The following SH3RF2 variants were observed in gnomAD, a reference collection of about 807,000 sequenced individuals.
SH3RF2 encodes the protein E3 ubiquitin-protein ligase SH3RF2.
SH3RF2 carries 43 observed loss-of-function variants against 59.0 expected under a neutral mutation model. That is an observed-to-expected ratio of 0.73 (90% CI 0.57 to 0.94). The LOEUF (loss-of-function observed/expected upper bound fraction) is 0.94, where lower values mean the gene tolerates loss of function less well. SH3RF2 is among the 40% of genes least tolerant of loss of function. SH3RF2 has a pLI of 0.00. For synonymous variants in SH3RF2, 391 were observed against 391.5 expected (o/e 1.00, Z 0.01); for missense variants, 930 against 940.1 (o/e 0.99, Z 0.14).
intron 2 of SH3RF2, among the ~76,000 whole-genome samples, chr5:145,985,870 G>A (rs970945609): frequency 4.6e-5 from 7 of 152,114 alleles, no homozygotes. Flanking sequence ...TGGGCATGGT[G>A]GAGTGTGCCT....
intron 2 of SH3RF2, among the ~76,000 whole-genome samples, chr5:145,938,832 G>C (rs1026047306): frequency 1.3e-5 from 2 of 152,212 alleles, no homozygotes; most frequent in Non-Finnish European, 2.9e-5. Context: ...TACTTGACGC[G>C]GGAGATAGTG....
intron 2 of SH3RF2, among the ~76,000 whole-genome samples, chr5:145,955,126 A>G (rs1198104261): frequency 6.6e-6 from 1 of 152,176 alleles, no homozygotes; most frequent in Non-Finnish European, 1.5e-5. Context: ...TACAAACTAT[A>G]TCAGTAACGA....
chr5:146,034,490 A>AGGAG (rs1761857864), intron 5 of SH3RF2, among the ~76,000 whole-genome samples: 1 of 152,240 alleles, frequency 6.6e-6, no homozygotes, highest in Non-Finnish European at 1.5e-5. Context: ...GCCATCCAGA[A>AGGAG]GGAGCTTTAA....
At chr5:145,992,927 T>A (rs1760009178) in intron 2 of SH3RF2, among the ~76,000 whole-genome samples, 1 of 152,118 alleles carries the variant, frequency 6.6e-6, no homozygotes. Flanking sequence ...ATTTCAGCAT[T>A]AACTCAAAAG....
chr5:145,998,282 A>T (rs1337647038), intron 2 of SH3RF2, among the ~76,000 whole-genome samples: 3 of 22,730 alleles, frequency 1.3e-4, no homozygotes, highest in Admixed American at 4.9e-4. Flanking sequence ...GCCCATAGTT[A>T]AAAAAAAAAA....
chr5:146,042,585 C>T lies in SH3RF2; in HGVS notation c.1060-5187C>T, dbSNP rs11954427. The stretch of plus-strand genomic sequence containing the variant: ...GCCTGAGTCCTAAGTTAGACCTCCT[C>T]TCTGGACTCCTAAGAGGTAGCTGCA... On this transcript the variant is annotated intron_variant, in intron 5 of 9. Transcript: ENST00000359120. 7.4e-3 allele frequency among the ~76,000 whole-genome samples: 1,131 copies of T among 152,312 alleles called. 17 individuals are homozygous for T. The highest frequency in any genetic ancestry group is 0.026 in the African/African-American group (1,079 of 41,558).
chr5:146,018,460 G>A (rs992038125), intron 5 of SH3RF2, among the ~76,000 whole-genome samples: 2 of 151,576 alleles, frequency 1.3e-5, no homozygotes, highest in Non-Finnish European at 1.5e-5. Flanking sequence ...GTATTCCATG[G>A]TATATATATG....
At chr5:146,013,028 A>G (rs575679129) in intron 4 of SH3RF2, among the ~76,000 whole-genome samples, 2 of 152,324 alleles carry the variant, frequency 1.3e-5, no homozygotes, top group South Asian at 2.1e-4. Context: ...GAGATATAGA[A>G]CAAGGAAGAA....
intron 9 of SH3RF2, among the ~76,000 whole-genome samples, chr5:146,062,195 A>G (rs922136926): frequency 6.6e-6 from 1 of 152,074 alleles, no homozygotes; most frequent in Non-Finnish European, 1.5e-5. Context: ...GTGGTTCTCA[A>G]TTTAAAGCTT....
At chr5:145,978,113 T>G (rs1028692192) in intron 2 of SH3RF2, among the ~76,000 whole-genome samples, 1 of 152,230 alleles carries the variant, frequency 6.6e-6, no homozygotes, top group African/African-American at 2.4e-5. Flanking sequence ...TTTGTAAGAT[T>G]TGGTTCCTAC....
intron 5 of SH3RF2, among the ~76,000 whole-genome samples, chr5:146,041,712 C>T (rs1762132553): frequency 6.6e-6 from 1 of 152,120 alleles, no homozygotes; most frequent in African/African-American, 2.4e-5. Flanking sequence ...GACGTATCAC[C>T]TGGGCCCAGG....
chr5:146,031,786 C>G (rs1048142255), intron 5 of SH3RF2, among the ~76,000 whole-genome samples: 2 of 152,194 alleles, frequency 1.3e-5, no homozygotes, highest in African/African-American at 4.8e-5. Flanking sequence ...ACAAAATCAA[C>G]TGCACCCCTA....
In SH3RF2 at chr5:146,062,692, C is replaced by A; in HGVS notation, c.2181C>A (p.Pro727=). The change falls in exon 10 of 10, where the codon CCC becomes CCA. Residue 727 remains proline (P), a synonymous_variant. Transcript: ENST00000359120. ...STASGTQTVF[P]SK ...CCTCAGGCACGCAGACCGTGTTTCC[C>A]AGCAAATGAACCTACGGGTGGCTTT... The A allele has an allele frequency of 6.2e-7, 1 of 1,612,736 alleles. No individual in the cohort carries two copies. The highest frequency in any genetic ancestry group is 1.7e-5 in the Admixed American group (1 of 59,996).
exon 10 of SH3RF2, chr5:146,081,504 T>C (rs1421834014): frequency 6.6e-6 from 1 of 152,190 alleles, no homozygotes; most frequent in African/African-American, 2.4e-5. Flanking sequence ...AAATTTGCTC[T>C]TTACCGCGAG....
intron 4 of SH3RF2, among the ~76,000 whole-genome samples, chr5:146,011,311 C>T (rs899143809): frequency 1.4e-4 from 21 of 152,062 alleles, no homozygotes; most frequent in African/African-American, 3.4e-4. Flanking sequence ...AGTCAGGTAG[C>T]GTGATGCCTC....
intron 4 of SH3RF2, among the ~76,000 whole-genome samples, chr5:146,012,585 G>C (rs951191313): frequency 6.6e-6 from 1 of 152,168 alleles, no homozygotes; most frequent in Non-Finnish European, 1.5e-5. Context: ...TCCTGGTTTA[G>C]TCTTGGTTGG....
At chr5:146,048,515 T>C (rs1241324724) in intron 6 of SH3RF2, among the ~76,000 whole-genome samples, 4 of 152,020 alleles carry the variant, frequency 2.6e-5, no homozygotes, top group Non-Finnish European at 4.4e-5. Flanking sequence ...AAAATAAATA[T>C]AGCATTTTAG....
Position 146,000,376 on chromosome 5 carries a change from A to G in SH3RF2, c.648+49A>G, listed in dbSNP as rs768407008. ...AGTCACCTGGGACCACGTAGAGACC[A>G]TAGCAGAACAGAGTTCCTTGTTTAA... is the stretch of plus-strand genomic sequence containing the variant. On this transcript the variant is annotated intron_variant, in intron 3 of 9. Transcript: ENST00000359120. The G allele has an allele frequency of 1.8e-5, 27 of 1,529,840 alleles. No homozygotes were observed. In the South Asian group the frequency reaches 2.7e-4, roughly 15 times the overall value. 94.8% of individuals were successfully genotyped at this position (1,529,840 alleles called of 1,614,324 possible). A position where few individuals can be genotyped will look rare whatever the true frequency, so the allele number is the denominator to read the frequency against.
intron 6 of SH3RF2, among the ~76,000 whole-genome samples, chr5:146,048,228 T>A (rs561231847): frequency 6.6e-6 from 1 of 151,646 alleles, no homozygotes; most frequent in East Asian, 1.9e-4. Context: ...GGCAGGAGGA[T>A]GGGTTGAGCC....
Sources: gnomAD v4.1 joint callset for allele counts (sites outside exome capture counted in the v4.1 genomes callset) on GRCh38, gnomAD v4.1.1 for gene constraint, MANE v1.5 for transcripts, NCBI Gene and HGNC (gene_info 2026-07-23, HGNC 2026-07-21) for gene names.